RAD23B: variants seen among roughly 807,000 people sequenced by gnomAD.
RAD23B encodes the protein lysine-specific demethylase RAD23B.
A neutral mutation model predicts 49.1 loss-of-function variants in RAD23B; 5 were observed. The observed-to-expected ratio is 0.10, with a 90% CI of 0.05 to 0.21. The LOEUF (loss-of-function observed/expected upper bound fraction) is 0.21. RAD23B is among the 10% of genes least tolerant of loss of function. The probability of loss-of-function intolerance (pLI) is 1.00; values close to 1 mark genes in which losing one functional copy is unlikely to be tolerated. For missense variants in RAD23B, 356 were observed against 486.7 expected, an observed-to-expected ratio of 0.73 and a Z score of 2.53; for synonymous variants, 184 against 165.4, an observed-to-expected ratio of 1.11 and a Z score of -0.86.
At chr9:107,285,866 T>G (rs1300238360) in intron 1 of RAD23B, among the ~76,000 whole-genome samples, 1 of 152,188 alleles carries the variant, frequency 6.6e-6, no homozygotes, top group Non-Finnish European at 1.5e-5. Flanking sequence ...TAGGAAATAT[T>G]TTTCATGACA....
At chr9:107,295,020 A>C (rs1365027940) in intron 1 of RAD23B, among the ~76,000 whole-genome samples, 1 of 144,814 alleles carries the variant, frequency 6.9e-6, no homozygotes, top group Non-Finnish European at 1.5e-5. Flanking sequence ...GTGTGGTATC[A>C]TTATGGTGTT....
At chr9:107,295,471 T>C (rs1826493046) in intron 1 of RAD23B, among the ~76,000 whole-genome samples, 1 of 152,156 alleles carries the variant, frequency 6.6e-6, no homozygotes, top group Non-Finnish European at 1.5e-5. Context: ...TTTTTTCATT[T>C]AATAGGTGAG....
intron 5 of RAD23B, among the ~76,000 whole-genome samples, chr9:107,316,858 G>A (rs1030813964): frequency 1.3e-5 from 2 of 151,908 alleles, no homozygotes; most frequent in African/African-American, 4.8e-5. Flanking sequence ...AACACAAAGG[G>A]CTTCCCTAAA....
At position 107,329,761 on chromosome 9, in the gene RAD23B, G is replaced by A; in HGVS notation, c.*105G>A. 1 of 491,640 alleles carries A rather than the reference G, an allele frequency of 2.0e-6. No individual in the cohort carries two copies. The highest frequency in any genetic ancestry group is 3.8e-6 in the Non-Finnish European group (1 of 264,754). The allele number at this position is 491,640 out of a possible 1,614,324, so 30.5% of individuals were successfully genotyped here. Reference sequence around the variant, plus strand: ...CTCATATCCACAATACTTGGTATAAGGTAGTAGATTGTTGGGGGTGGGGAG... The same window carrying A: ...CTCATATCCACAATACTTGGTATAAAGTAGTAGATTGTTGGGGGTGGGGAG... On this transcript the variant is annotated 3_prime_UTR_variant, in exon 10 of 10. Coordinates refer to ENST00000358015, the MANE Select transcript of RAD23B (RefSeq NM_002874.5).
chr9:107,297,406 C>G (rs1826551036), intron 1 of RAD23B, among the ~76,000 whole-genome samples: 1 of 152,012 alleles, frequency 6.6e-6, no homozygotes, highest in African/African-American at 2.4e-5. Context: ...ATGGTATGAT[C>G]TTGGCTCACT....
At chr9:107,319,101 A>T (rs1219223817) in intron 6 of RAD23B, among the ~76,000 whole-genome samples, 1 of 148,894 alleles carries the variant, frequency 6.7e-6, no homozygotes, top group East Asian at 1.9e-4. Context: ...CTATGCGTGA[A>T]TTATTCAGAA....
At chr9:107,310,360 T>C (rs966462513) in intron 4 of RAD23B, among the ~76,000 whole-genome samples, 5 of 152,136 alleles carry the variant, frequency 3.3e-5, no homozygotes, top group South Asian at 2.1e-4. Context: ...ACAGGAAAGA[T>C]TGATGAATTT....
chr9:107,283,715 G>GCAGGGA lies in RAD23B; in HGVS notation c.66+25_66+26insACAGGG. On this transcript the variant is annotated intron_variant, in intron 1 of 9. Transcript: ENST00000358015. ...GAGACGGTATGCGCGCGGGCCGGGG[G>GCAGGGA]CAGGGGCAGCCGCGTGCGGGCCGCG... is the stretch of plus-strand genomic sequence containing the variant. The GCAGGGA allele has an allele frequency of 6.9e-7, 1 of 1,448,954 alleles. No individual in the cohort carries two copies. The highest frequency in any genetic ancestry group is 9.1e-7 in the Non-Finnish European group (1 of 1,094,898). 89.8% of individuals were successfully genotyped at this position (1,448,954 alleles called of 1,614,324 possible).
chr9:107,329,152 C>A (rs563377364), intron 9 of RAD23B, among the ~76,000 whole-genome samples: 20 of 152,250 alleles, frequency 1.3e-4, no homozygotes, highest in African/African-American at 4.8e-4. Flanking sequence ...TACTCTCATC[C>A]TTATCTTCAC....
intron 2 of RAD23B, 38 bp downstream of exon 2, chr9:107,300,260 G>T (rs1287949861): frequency 1.9e-6 from 3 of 1,570,526 alleles, no homozygotes; most frequent in Non-Finnish European, 2.6e-6. Context: ...GCCATGTCTT[G>T]ATATTCTTTT....
chr9:107,316,718 A>T (rs942599428), intron 5 of RAD23B, among the ~76,000 whole-genome samples: 1 of 152,048 alleles, frequency 6.6e-6, no homozygotes, highest in African/African-American at 2.4e-5. Flanking sequence ...TATTCAACAG[A>T]TACTCGGTTT....
chr9:107,283,568 C>T lies in RAD23B; in HGVS notation c.-62C>T. The T allele has an allele frequency of 7.2e-7, 1 of 1,390,016 alleles. No individual in the cohort carries two copies. 86.1% of individuals were successfully genotyped at this position (1,390,016 alleles called of 1,614,324 possible). On this transcript the variant is annotated 5_prime_UTR_variant, in exon 1 of 10. Transcript: ENST00000358015. ...GCGACCCCGGGGCCCCGCCAGGCCA[C>T]AGACCCCGCCCAGCGGCCAGCACCC...
At chr9:107,290,502 T>C (rs1833361407) in intron 1 of RAD23B, among the ~76,000 whole-genome samples, 1 of 152,234 alleles carries the variant, frequency 6.6e-6, no homozygotes, top group Non-Finnish European at 1.5e-5. Context: ...CATCTTGCTC[T>C]TTTCAGATCC....
intron 7 of RAD23B, 66 bp from the exon 8 acceptor site, chr9:107,323,824 A>G: frequency 7.1e-7 from 1 of 1,413,248 alleles, no homozygotes; most frequent in Non-Finnish European, 1.0e-6. Context: ...GTCTAAATGT[A>G]TTATTTAACC....
At chr9:107,319,517 G>A (rs1468841658) in intron 6 of RAD23B, among the ~76,000 whole-genome samples, 1 of 151,930 alleles carries the variant, frequency 6.6e-6, no homozygotes, top group Non-Finnish European at 1.5e-5. Context: ...TTAAAAACTG[G>A]GAAATTTCAC....
chr9:107,314,077 T>C (rs1035715765), intron 5 of RAD23B, among the ~76,000 whole-genome samples: 1 of 152,230 alleles, frequency 6.6e-6, no homozygotes, highest in African/African-American at 2.4e-5. Context: ...TACTCTTGCA[T>C]TATCCTTATC....
chr9:107,308,471 G>A (rs7019341), intron 4 of RAD23B, among the ~76,000 whole-genome samples: 102,001 of 151,948 alleles, frequency 0.67, 34,322 homozygotes, highest in East Asian at 0.77. Context: ...TGCCCACCTC[G>A]GCCTCCCAAA....
intron 1 of RAD23B, chr9:107,284,128 A>T (rs865852405): frequency 1.0e-6 from 1 of 993,396 alleles, no homozygotes; most frequent in Non-Finnish European, 1.2e-6. Context: ...CAGAGTTGGT[A>T]ACCCGAGAAG....
At chr9:107,325,133 G>A (rs1445477062) in intron 9 of RAD23B, 129 bp downstream of exon 9, 1 of 742,672 alleles carries the variant, frequency 1.3e-6, no homozygotes, top group Non-Finnish European at 2.1e-6. Flanking sequence ...TGGCCAACGT[G>A]GTGAAACCCC....
Sources: gnomAD v4.1 joint callset for allele counts (sites outside exome capture counted in the v4.1 genomes callset) on GRCh38, gnomAD v4.1.1 for gene constraint, MANE v1.5 for transcripts, NCBI Gene and HGNC (gene_info 2026-07-23, HGNC 2026-07-21) for gene names.